Variants in IFT56 observed in about 807,000 individuals in gnomAD.
The protein encoded by IFT56 is intraflagellar transport 56, also known as intraflagellar transport protein 56.
At chr7:139,187,513 G>A in the IFT56 span, 9 of 1,614,152 alleles carry the variant, frequency 5.6e-6, no homozygotes, top group Middle Eastern at 1.6e-4. Context: ...GCATTTTCCA[G>A]ATGATCATAG....
At chr7:139,140,775 CAAA>C in the IFT56 span, among the ~76,000 whole-genome samples, 1 of 74,892 alleles carries the variant, frequency 1.3e-5, no homozygotes, top group African/African-American at 4.5e-5. Flanking sequence ...AACTCCACCT[CAAA>C]AAAAAAAAAA....
chr7:139,134,022 C>T, the IFT56 span, among the ~76,000 whole-genome samples: 2 of 152,216 alleles, frequency 1.3e-5, no homozygotes, highest in Admixed American at 1.3e-4. Context: ...CTGTAAATAC[C>T]TCGGTGCTTT....
chr7:139,145,235 C>T, the IFT56 span, among the ~76,000 whole-genome samples: 1 of 151,814 alleles, frequency 6.6e-6, no homozygotes, highest in African/African-American at 2.4e-5. Flanking sequence ...TCCATTAAGC[C>T]CATAAGACTT....
chr7:139,148,096 A>T, the IFT56 span: 3 of 949,670 alleles, frequency 3.2e-6, no homozygotes, highest in Non-Finnish European at 3.1e-6. Context: ...CTCTTTCTTC[A>T]TAAGGCAGGT....
At chr7:139,172,692 G>A in the IFT56 span, 33 of 621,926 alleles carry the variant, frequency 5.3e-5, no homozygotes, top group Admixed American at 5.5e-4. Context: ...ATTTCTGGAA[G>A]TTTTACAAAC....
the IFT56 span, chr7:139,146,895 G>C: frequency 6.1e-5 from 58 of 943,592 alleles, no homozygotes; most frequent in African/African-American, 4.9e-5. Context: ...TAAGGGGAAG[G>C]GTCAAATAGT....
the IFT56 span, among the ~76,000 whole-genome samples, chr7:139,135,538 T>C: frequency 2.0e-5 from 3 of 152,210 alleles, no homozygotes; most frequent in Non-Finnish European, 4.4e-5. Flanking sequence ...CAAATCTCCA[T>C]GGCAGTAGTT....
At chr7:139,165,631 T>C in the IFT56 span, among the ~76,000 whole-genome samples, 26 of 152,354 alleles carry the variant, frequency 1.7e-4, 1 homozygote, top group African/African-American at 5.3e-4. Context: ...TTGCTTTGAT[T>C]GTCTGCCTTT....
the IFT56 span, chr7:139,173,288 T>C: frequency 8.8e-6 from 4 of 455,656 alleles, no homozygotes; most frequent in South Asian, 1.2e-4. Flanking sequence ...AGTGCAGTGG[T>C]GTGATCTCGG....
the IFT56 span, among the ~76,000 whole-genome samples, chr7:139,154,726 T>C: frequency 1.4e-4 from 22 of 152,166 alleles, no homozygotes; most frequent in African/African-American, 5.3e-4. Context: ...TACCACACTA[T>C]CTTCCTTACT....
the IFT56 span, among the ~76,000 whole-genome samples, chr7:139,159,957 G>C: frequency 6.6e-6 from 1 of 151,962 alleles, no homozygotes; most frequent in African/African-American, 2.4e-5. Flanking sequence ...TTTCTGATAC[G>C]ATAAGTATTG....
At chr7:139,176,538 A>C in the IFT56 span, among the ~76,000 whole-genome samples, 780 of 152,304 alleles carry the variant, frequency 5.1e-3, 9 homozygotes, top group African/African-American at 0.018. Flanking sequence ...TTATGATTAA[A>C]GTATTTCATC....
At chr7:139,135,530 A>T in the IFT56 span, among the ~76,000 whole-genome samples, 1 of 152,202 alleles carries the variant, frequency 6.6e-6, no homozygotes, top group Non-Finnish European at 1.5e-5. Context: ...AAATATTTCA[A>T]ATCTCCATGG....
At chr7:139,139,950 T>G in the IFT56 span, 1 of 1,613,166 alleles carries the variant, frequency 6.2e-7, no homozygotes, top group Non-Finnish European at 8.5e-7. Context: ...GAACCTAGCT[T>G]GCACCTACTT....
At chr7:139,167,426 G>T in the IFT56 span, among the ~76,000 whole-genome samples, 3 of 151,942 alleles carry the variant, frequency 2.0e-5, no homozygotes, top group East Asian at 5.8e-4. Flanking sequence ...TTAAAAGATT[G>T]AGCTTCTTTC....
chr7:139,139,363 A>C, the IFT56 span, among the ~76,000 whole-genome samples: 4 of 152,314 alleles, frequency 2.6e-5, no homozygotes, highest in African/African-American at 9.6e-5. Flanking sequence ...CCTGGGAAAG[A>C]CTGATAAAAA....
the IFT56 span, among the ~76,000 whole-genome samples, chr7:139,156,040 G>A: frequency 1.3e-5 from 2 of 152,086 alleles, no homozygotes; most frequent in South Asian, 4.1e-4. Context: ...CATGTTGTAT[G>A]TCTATTAATA....
At chr7:139,177,348 A>G in the IFT56 span, among the ~76,000 whole-genome samples, 1 of 151,402 alleles carries the variant, frequency 6.6e-6, no homozygotes, top group East Asian at 2.0e-4. Context: ...GGATTAGTAT[A>G]ACTCCCACCC....
At chr7:139,144,243 A>G in the IFT56 span, among the ~76,000 whole-genome samples, 1 of 151,406 alleles carries the variant, frequency 6.6e-6, no homozygotes, top group African/African-American at 2.4e-5. Context: ...TTTTTAAAGG[A>G]TTTTTTTCTC....
Sources: allele counts gnomAD v4.1 joint callset (sites outside exome capture counted in the v4.1 genomes callset), GRCh38; gene constraint gnomAD v4.1.1; transcripts MANE v1.5; gene names NCBI Gene and HGNC (gene_info 2026-07-23, HGNC 2026-07-21).